Variants in LRMDA observed in about 807,000 individuals in gnomAD.
The protein encoded by LRMDA is leucine rich melanocyte differentiation associated, also known as leucine-rich melanocyte differentiation-associated protein.
In LRMDA, 18 loss-of-function variants were observed where a neutral mutation model predicts 29.8. That is an observed-to-expected ratio of 0.60 (90% confidence interval 0.42 to 0.90). The LOEUF (loss-of-function observed/expected upper bound fraction) is 0.90. Among genes scored for constraint, LRMDA ranks in the 40% least tolerant of loss-of-function variants. The pLI is 0.00. For missense variants in LRMDA, 273 were observed against 273.9 expected, an observed-to-expected ratio of 1.00 and a Z score of 0.02; for synonymous variants, 125 against 109.4, an observed-to-expected ratio of 1.14 and a Z score of -0.89.
intron 2 of LRMDA, among the ~76,000 whole-genome samples, chr10:75,885,338 C>T (rs990839929): frequency 1.3e-5 from 2 of 152,204 alleles, no homozygotes; most frequent in Admixed American, 6.5e-5. Flanking sequence ...GTAACTGTTT[C>T]GGATGTGATC....
intron 2 of LRMDA, among the ~76,000 whole-genome samples, chr10:75,740,217 T>C (rs969764834): frequency 6.6e-6 from 1 of 152,202 alleles, no homozygotes; most frequent in Non-Finnish European, 1.5e-5. Context: ...CAATTTCCCC[T>C]GTAGATGATG....
chr10:75,441,844 A>T (rs2132024508), intron 2 of LRMDA, among the ~76,000 whole-genome samples: 1 of 151,854 alleles, frequency 6.6e-6, no homozygotes, highest in Admixed American at 6.6e-5. Context: ...AAAACTTTGC[A>T]CTCCTCTAGG....
intron 2 of LRMDA, among the ~76,000 whole-genome samples, chr10:75,855,042 C>G (rs1844801164): frequency 6.6e-6 from 1 of 152,168 alleles, no homozygotes; most frequent in African/African-American, 2.4e-5. Flanking sequence ...GTGCATGTGT[C>G]TTTATAGCAG....
At chr10:76,170,938 A>C (rs924064255) in intron 5 of LRMDA, among the ~76,000 whole-genome samples, 2 of 152,226 alleles carry the variant, frequency 1.3e-5, no homozygotes, top group Non-Finnish European at 2.9e-5. Flanking sequence ...AAATGCTTAG[A>C]AGAATACCTA....
At chr10:75,780,684 A>C (rs758404186) in intron 2 of LRMDA, among the ~76,000 whole-genome samples, 4 of 152,196 alleles carry the variant, frequency 2.6e-5, no homozygotes, top group Non-Finnish European at 4.4e-5. Context: ...AGAAGGCACA[A>C]GTACTAGGGC....
chr10:76,047,242 G>C lies in LRMDA; in HGVS notation c.337G>C (p.Val113Leu). 2.5e-6 allele frequency: 4 copies of C among 1,614,058 alleles called. No individual in the cohort carries two copies. Among genetic ancestry groups the C allele is most frequent in the Non-Finnish European group, 3.4e-6 (4 of 1,179,960 alleles). The change falls in exon 4 of 7, where the codon GTG becomes CTG. Residue 113 changes from valine (V) to leucine (L), a missense_variant. Transcript: ENST00000611255. ...ALEYLSLLGN[V>L]ACPNELVSLE... ...GGAGTACCTCAGTCTGCTGGGCAAC[G>C]TGGCCTGTCCCAACGAGCTGGTCAG...
At position 76,093,959 on chromosome 10, in the gene LRMDA, C is replaced by T. The variant is rs114185302; in HGVS notation, c.516+35176C>T. ...TGGGGACCTCAATACCCCCTTACCA[C>T]GCTATCCGCCAAAATGCTCAGAGGT... On this transcript the variant is annotated intron_variant, in intron 5 of 6. Coordinates refer to ENST00000611255, the MANE Select transcript of LRMDA (RefSeq NM_001305581.2). 2.6e-3 allele frequency among the ~76,000 whole-genome samples: 400 copies of T among 152,312 alleles called. 1 individual carries two copies. The highest frequency in any genetic ancestry group is 9.4e-3 in the African/African-American group (391 of 41,562).
intron 2 of LRMDA, among the ~76,000 whole-genome samples, chr10:75,638,160 A>C (rs988536204): frequency 6.6e-6 from 1 of 152,172 alleles, no homozygotes; most frequent in African/African-American, 2.4e-5. Flanking sequence ...ATGGGGTGGA[A>C]AGCTTGAATC....
At chr10:76,204,051 C>A (rs966872527) in intron 5 of LRMDA, among the ~76,000 whole-genome samples, 1 of 147,684 alleles carries the variant, frequency 6.8e-6, no homozygotes, top group Non-Finnish European at 1.5e-5. Flanking sequence ...ATTCCATGTG[C>A]CTGTCCACCC....
At chr10:75,641,583 G>A (rs891185528) in intron 2 of LRMDA, among the ~76,000 whole-genome samples, 10 of 151,912 alleles carry the variant, frequency 6.6e-5, no homozygotes, top group Admixed American at 4.6e-4. Context: ...ATGCAGCCTC[G>A]ACCTCCTGAG....
chr10:75,990,891 G>C lies in LRMDA; in HGVS notation c.132-45117G>C, dbSNP rs182025745. On this transcript the variant is annotated intron_variant, in intron 2 of 6. Coordinates refer to ENST00000611255, the MANE Select transcript of LRMDA (RefSeq NM_001305581.2). ...GAAGGGAAGCCTTGTGGAGGCCATC[G>C]TGGGACCATAGTAAGATGTGTGGAT... Among the ~76,000 whole-genome samples, 13 of 152,248 alleles carry C rather than the reference G, an allele frequency of 8.5e-5. No individual in the cohort carries two copies. The East Asian group carries it at 2.1e-3, about 25-fold the overall frequency.
At chr10:76,248,844 A>G (rs1564699668) in intron 5 of LRMDA, among the ~76,000 whole-genome samples, 1 of 152,196 alleles carries the variant, frequency 6.6e-6, no homozygotes, top group Admixed American at 6.5e-5. Context: ...AATTATTAAT[A>G]TGACATTGGC....
intron 2 of LRMDA, among the ~76,000 whole-genome samples, chr10:75,516,417 C>A (rs566825702): frequency 6.6e-6 from 1 of 152,294 alleles, no homozygotes; most frequent in Non-Finnish European, 1.5e-5. Context: ...GAGATGGTAT[C>A]TCATTGTGGT....
rs766751882 is a variant in LRMDA at position 76,544,854 on chromosome 10, T to C, written c.602-12355T>C. Among the ~76,000 whole-genome samples, 14 of 152,170 alleles carry C rather than the reference T, an allele frequency of 9.2e-5. No homozygotes were observed. The South Asian group carries it at 1.0e-3, about 11-fold the overall frequency. ...CTGGGATGAGCTAGTGTCCAAGAATTATGCTGTGCTTTCTGCAACAACAGA... is the reference window on the plus strand; with the variant it reads ...CTGGGATGAGCTAGTGTCCAAGAATCATGCTGTGCTTTCTGCAACAACAGA... On this transcript the variant is annotated intron_variant, in intron 6 of 6. Coordinates refer to ENST00000611255, the MANE Select transcript of LRMDA (RefSeq NM_001305581.2).
At chr10:76,098,301 A>T (rs1849345085) in intron 5 of LRMDA, among the ~76,000 whole-genome samples, 2 of 152,318 alleles carry the variant, frequency 1.3e-5, no homozygotes, top group Middle Eastern at 3.4e-3. Flanking sequence ...TTCATTAGAC[A>T]TGTAGTTTTT....
chr10:76,068,817 G>A (rs1266586073), intron 5 of LRMDA, among the ~76,000 whole-genome samples: 1 of 152,208 alleles, frequency 6.6e-6, no homozygotes, highest in Non-Finnish European at 1.5e-5. Flanking sequence ...CTTTGGAGGA[G>A]TGTCAAACAG....
intron 5 of LRMDA, among the ~76,000 whole-genome samples, chr10:76,149,557 G>C (rs994990725): frequency 6.6e-6 from 1 of 152,060 alleles, no homozygotes; most frequent in African/African-American, 2.4e-5. Context: ...ATTTTCTCAG[G>C]TGATATTTCC....
At chr10:75,573,787 G>T (rs1840466986) in intron 2 of LRMDA, among the ~76,000 whole-genome samples, 1 of 151,742 alleles carries the variant, frequency 6.6e-6, no homozygotes, top group Non-Finnish European at 1.5e-5. Flanking sequence ...TTTTTATTTT[G>T]TTTTTTTAAC....
Position 76,029,850 on chromosome 10 carries a change from C to G in LRMDA, c.132-6158C>G, listed in dbSNP as rs1048289698. Among the ~76,000 whole-genome samples the G allele has an allele frequency of 7.8e-4, 118 of 152,118 alleles. 1 individual carries two copies. Among genetic ancestry groups the G allele is most frequent in the Non-Finnish European group, 1.4e-3 (93 of 68,018 alleles). On this transcript the variant is annotated intron_variant, in intron 2 of 6. Coordinates refer to ENST00000611255, the MANE Select transcript of LRMDA (RefSeq NM_001305581.2). ...CCATCATGTTGGGGTCTCAATAGAG[C>G]TTTGGGGTTGACTTTGACCCCAAAG...
Sources: gnomAD v4.1 joint callset for allele counts (sites outside exome capture counted in the v4.1 genomes callset) on GRCh38, gnomAD v4.1.1 for gene constraint, MANE v1.5 for transcripts, NCBI Gene and HGNC (gene_info 2026-07-23, HGNC 2026-07-21) for gene names.